Variants in FAR1 observed in about 807,000 individuals in gnomAD.
FAR1 encodes the protein fatty acyl-CoA reductase 1, also known as male sterility domain-containing protein 2.
A neutral mutation model predicts 61.1 loss-of-function variants in FAR1; 22 were observed. The observed-to-expected ratio is 0.36, with a 90% CI of 0.26 to 0.51. FAR1 has a LOEUF of 0.51. Ranked by LOEUF, FAR1 falls within the 20% of genes least tolerant of loss-of-function variation. The pLI is 0.95. For missense variants in FAR1, 359 were observed against 626.9 expected (o/e 0.57, Z 4.56); for synonymous variants, 206 against 209.7 (o/e 0.98, Z 0.15).
chr11:13,676,046 CT>C (rs1848064977), intron 1 of FAR1, among the ~76,000 whole-genome samples: 1 of 152,102 alleles, frequency 6.6e-6, no homozygotes, highest in Non-Finnish European at 1.5e-5. Flanking sequence ...TGGATTCTGT[CT>C]TAATAATTTA....
At chr11:13,704,196 G>C (rs943528181) in intron 3 of FAR1, among the ~76,000 whole-genome samples, 1 of 152,110 alleles carries the variant, frequency 6.6e-6, no homozygotes, top group Non-Finnish European at 1.5e-5. Flanking sequence ...AGGGTCACTA[G>C]AGTTGAGAGT....
chr11:13,698,907 G>T (rs1205910616), intron 2 of FAR1, among the ~76,000 whole-genome samples: 1 of 151,970 alleles, frequency 6.6e-6, no homozygotes, highest in Non-Finnish European at 1.5e-5. Context: ...TGGCTTAAAA[G>T]GCACAGTTAT....
At chr11:13,694,198 C>T (rs1306558071) in intron 1 of FAR1, among the ~76,000 whole-genome samples, 1 of 152,164 alleles carries the variant, frequency 6.6e-6, no homozygotes, top group East Asian at 1.9e-4. Context: ...CTTACTCTAA[C>T]TTTTTAAAAG....
At chr11:13,703,229 C>G (rs1591264582) in intron 3 of FAR1, among the ~76,000 whole-genome samples, 1 of 152,146 alleles carries the variant, frequency 6.6e-6, no homozygotes, top group Non-Finnish European at 1.5e-5. Context: ...ATCGCCCAGG[C>G]TGAGAGTGCA....
chr11:13,685,514 G>C (rs1848176286), intron 1 of FAR1: 2 of 216,980 alleles, frequency 9.2e-6, no homozygotes, highest in Non-Finnish European at 2.0e-5. Context: ...GACCCAGTCT[G>C]GTTCTTCTCC....
In FAR1 at chr11:13,730,379, A is replaced by G; in HGVS notation, c.*1605A>G. 1 of 152,362 alleles carries G rather than the reference A, an allele frequency of 6.6e-6. No individual in the cohort carries two copies. The highest frequency in any genetic ancestry group is 1.5e-5 in the Non-Finnish European group (1 of 67,908). 9.4% of individuals were successfully genotyped at this position (152,362 alleles called of 1,614,324 possible). On this transcript the variant is annotated 3_prime_UTR_variant, in exon 12 of 12. Coordinates refer to ENST00000354817, the MANE Select transcript of FAR1 (RefSeq NM_032228.6). ...TTGAAGCCAGATTTTCTGTAGTAAAACTTTTAAATATTATTTTAAAAGAAA... is the reference window on the plus strand; with the variant it reads ...TTGAAGCCAGATTTTCTGTAGTAAAGCTTTTAAATATTATTTTAAAAGAAA...
intron 1 of FAR1, among the ~76,000 whole-genome samples, chr11:13,674,439 TTAGTTTCCTC>T (rs1471107766): frequency 6.6e-6 from 1 of 152,184 alleles, no homozygotes; most frequent in Admixed American, 6.5e-5. Context: ...TCTATGGGCT[TTAGTTTCCTC>T]ATCTGTAAAA....
At chr11:13,686,116 A>G (rs750296086) in intron 1 of FAR1, among the ~76,000 whole-genome samples, 1 of 152,214 alleles carries the variant, frequency 6.6e-6, no homozygotes, top group Admixed American at 6.5e-5. Flanking sequence ...ATTTGGTTCC[A>G]ATTTCACCCT....
At chr11:13,680,806 A>C (rs1415422783) in intron 1 of FAR1, among the ~76,000 whole-genome samples, 1 of 152,222 alleles carries the variant, frequency 6.6e-6, no homozygotes, top group Non-Finnish European at 1.5e-5. Flanking sequence ...AGATTTCAAC[A>C]TGAGACTTGG....
At chr11:13,724,365 G>A (rs1848646472) in intron 10 of FAR1, among the ~76,000 whole-genome samples, 1 of 151,672 alleles carries the variant, frequency 6.6e-6, no homozygotes, top group Non-Finnish European at 1.5e-5. Flanking sequence ...GGGCAACAAA[G>A]TGAGACCCTC....
At chr11:13,708,237 G>A (rs1043340889) in intron 4 of FAR1, among the ~76,000 whole-genome samples, 158 bp downstream of exon 4, 13 of 151,868 alleles carry the variant, frequency 8.6e-5, no homozygotes, top group Non-Finnish European at 1.6e-4. Flanking sequence ...GGTGGCAGGC[G>A]CCTGTAGTCC....
At chr11:13,685,683 A>G (rs552313841) in intron 1 of FAR1, 3 of 165,424 alleles carry the variant, frequency 1.8e-5, no homozygotes, top group South Asian at 1.4e-4. Context: ...AGCACACACA[A>G]TGATGGTGGA....
In FAR1 at chr11:13,711,087, A is replaced by C. The variant is rs1026502587; in HGVS notation, c.723+217A>C. The C allele has an allele frequency of 2.0e-5, 10 of 500,074 alleles. No individual in the cohort carries two copies. The South Asian group carries it at 2.8e-4, about 14-fold the overall frequency. The allele number at this position is 500,074 out of a possible 1,614,324, so 31.0% of individuals were successfully genotyped here. ...TAGAAATGTAGATCAACATTTAAAA[A>C]ATCCTAAGTGAAAATTAAAAGCTGT... is the stretch of plus-strand genomic sequence containing the variant. On this transcript the variant is annotated intron_variant, in intron 5 of 11. Transcript: ENST00000354817.
intron 10 of FAR1, among the ~76,000 whole-genome samples, chr11:13,723,748 T>C (rs751436339): frequency 6.6e-6 from 1 of 152,202 alleles, no homozygotes; most frequent in Non-Finnish European, 1.5e-5. Context: ...TGTATCTCAG[T>C]GTTTCTGGGC....
intron 9 of FAR1, chr11:13,720,534 T>C (rs1194084961): frequency 6.6e-6 from 1 of 151,396 alleles, no homozygotes; most frequent in Admixed American, 6.6e-5. Flanking sequence ...TGAAATATAG[T>C]TTTTTTTTAC....
chr11:13,715,074 C>T (rs992882519), intron 9 of FAR1, among the ~76,000 whole-genome samples: 1 of 152,110 alleles, frequency 6.6e-6, no homozygotes, highest in Non-Finnish European at 1.5e-5. Flanking sequence ...GCATCATTAT[C>T]GGAAGGGTGT....
intron 1 of FAR1, among the ~76,000 whole-genome samples, chr11:13,684,901 AT>A (rs926086998): frequency 6.6e-6 from 1 of 152,216 alleles, no homozygotes; most frequent in African/African-American, 2.4e-5. Context: ...TTGTAGAAAC[AT>A]GTTTGAATGT....
At chr11:13,684,864 T>C (rs1848169168) in intron 1 of FAR1, among the ~76,000 whole-genome samples, 1 of 152,232 alleles carries the variant, frequency 6.6e-6, no homozygotes, top group South Asian at 2.1e-4. Flanking sequence ...ACTGAAGTGA[T>C]CCATAGGATT....
chr11:13,723,690 T>C (rs1034576623), intron 10 of FAR1, among the ~76,000 whole-genome samples: 1 of 152,196 alleles, frequency 6.6e-6, no homozygotes, highest in Non-Finnish European at 1.5e-5. Flanking sequence ...TCCTAGTGTA[T>C]GTTAGATTAT....
Sources: gnomAD v4.1 joint callset for allele counts (sites outside exome capture counted in the v4.1 genomes callset) on GRCh38, gnomAD v4.1.1 for gene constraint, MANE v1.5 for transcripts, NCBI Gene and HGNC (gene_info 2026-07-23, HGNC 2026-07-21) for gene names.